The following SLC2A10 variants were observed in gnomAD, a reference collection of about 807,000 sequenced individuals.
The protein encoded by SLC2A10 is solute carrier family 2 member 10, also known as solute carrier family 2, facilitated glucose transporter member 10.
SLC2A10 carries 25 observed loss-of-function variants against 32.1 expected under a neutral mutation model. That is an observed-to-expected ratio of 0.78 (90% CI 0.57 to 1.09). The LOEUF (loss-of-function observed/expected upper bound fraction) is 1.09. SLC2A10 is among the 50% of genes least tolerant of loss of function. The pLI is 0.00. For missense variants in SLC2A10, 673 were observed against 686.5 expected, an observed-to-expected ratio of 0.98 and a Z score of 0.22; for synonymous variants, 332 against 309.6, an observed-to-expected ratio of 1.07 and a Z score of -0.76.
rs557500657 is a variant in SLC2A10 at position 46,712,622 on chromosome 20, CTCTT to C, written c.4+2894_4+2897del. ...TTAATTTTCTTTCTTTTCTTTTTTTCTCTTTCTTTCTTTCTGTCTTCTTTCTTTC... is the reference window on the plus strand; with the variant it reads ...TTAATTTTCTTTCTTTTCTTTTTTTCTCTTTCTTTCTGTCTTCTTTCTTTC... On this transcript the variant is annotated intron_variant, in intron 1 of 4. Coordinates refer to ENST00000359271, the MANE Select transcript of SLC2A10 (RefSeq NM_030777.4). 5.1e-4 allele frequency among the ~76,000 whole-genome samples: 74 copies of C among 144,246 alleles called. 1 individual carries two copies. Among genetic ancestry groups the C allele is most frequent in the South Asian group, 4.2e-3 (18 of 4,306 alleles). The allele number at this position is 144,246 out of a possible 152,430, so 94.6% of individuals were successfully genotyped here.
At position 46,729,334 on chromosome 20, in the gene SLC2A10, C is replaced by T; in HGVS notation, c.1412-19C>T. On this transcript the variant is annotated intron_variant, in intron 3 of 4. Coordinates refer to ENST00000359271, the MANE Select transcript of SLC2A10 (RefSeq NM_030777.4). ...GAGTGCTTGGTCCTGGGCCTACACT[C>T]CCGCCCTCCTGTTTCCAGGCACCAT... The T allele has an allele frequency of 6.2e-7, 1 of 1,612,940 alleles. No homozygotes were observed. Among genetic ancestry groups the T allele is most frequent in the Non-Finnish European group, 8.5e-7 (1 of 1,179,882 alleles).
At chr20:46,720,341 C>A (rs1444034883) in intron 1 of SLC2A10, among the ~76,000 whole-genome samples, 2 of 152,136 alleles carry the variant, frequency 1.3e-5, no homozygotes, top group African/African-American at 2.4e-5. Context: ...CAAAGCAAGA[C>A]AAAAAGCCTC....
intron 1 of SLC2A10, among the ~76,000 whole-genome samples, chr20:46,715,796 C>T (rs1271654520): frequency 6.6e-6 from 1 of 152,140 alleles, no homozygotes; most frequent in East Asian, 1.9e-4. Flanking sequence ...CCCAGACAGC[C>T]TGGCTTTCAT....
chr20:46,724,619 G>T (rs1431286713), intron 1 of SLC2A10, among the ~76,000 whole-genome samples: 1 of 141,958 alleles, frequency 7.0e-6, no homozygotes, highest in African/African-American at 2.7e-5. Flanking sequence ...GGTGTAGATG[G>T]ATGGTGGTTG....
In SLC2A10 at chr20:46,725,297, A is replaced by T. The variant is rs1979824668; in HGVS notation, c.261A>T (p.Ala87=). The T allele has an allele frequency of 6.2e-7, 1 of 1,614,024 alleles. No homozygotes were observed. The highest frequency in any genetic ancestry group is 1.3e-5 in the African/African-American group (1 of 74,928). The change falls in exon 2 of 5, where the codon GCA becomes GCT. Residue 87 remains alanine (A), a synonymous_variant. Transcript: ENST00000359271. The part of the protein sequence containing the change: ...AILGSNLVLL[A]GSLTLGLAGS... ...TCGGGAGCAACTTGGTGCTGCTGGC[A>T]GGCAGCCTGACCCTGGGCCTGGCTG...
At position 46,735,249 on chromosome 20, in the gene SLC2A10, G is replaced by A. The variant is rs1980513149; in HGVS notation, c.*1415G>A. On this transcript the variant is annotated 3_prime_UTR_variant, in exon 5 of 5. Coordinates refer to ENST00000359271, the MANE Select transcript of SLC2A10 (RefSeq NM_030777.4). ...ATGCGTGCACATATGGGTGCTGGCA[G>A]AGCCCCCAAGGACTCTGGCCTCTCG... 1 of 152,568 alleles carries A rather than the reference G, an allele frequency of 6.6e-6. No homozygotes were observed. The highest frequency in any genetic ancestry group is 2.4e-5 in the African/African-American group (1 of 41,418). The allele number at this position is 152,568 out of a possible 1,614,324, so 9.5% of individuals were successfully genotyped here.
At chr20:46,716,249 A>G (rs1391138482) in intron 1 of SLC2A10, among the ~76,000 whole-genome samples, 4 of 150,248 alleles carry the variant, frequency 2.7e-5, no homozygotes, top group African/African-American at 9.8e-5. Flanking sequence ...ACCTTCCCGG[A>G]TTCAAATGAT....
Position 46,723,171 on chromosome 20 carries a change from C to T in SLC2A10, c.5-1870C>T, listed in dbSNP as rs145613044. ...CTTCTATATTTCCATCCTACTATGT[C>T]GGTGTGTAGCTTGCATCCTCATGGT... On this transcript the variant is annotated intron_variant, in intron 1 of 4. Transcript: ENST00000359271. Among the ~76,000 whole-genome samples, 555 of 152,262 alleles carry T rather than the reference C, an allele frequency of 3.6e-3. 4 individuals carry two copies. The highest frequency in any genetic ancestry group is 0.012 in the African/African-American group (512 of 41,552).
At position 46,720,868 on chromosome 20, in the gene SLC2A10, T is replaced by A. The variant is rs958020579; in HGVS notation, c.5-4173T>A. 3.3e-5 allele frequency among the ~76,000 whole-genome samples: 5 copies of A among 152,314 alleles called. No homozygotes were observed. The South Asian group carries it at 1.0e-3, about 32-fold the overall frequency. On this transcript the variant is annotated intron_variant, in intron 1 of 4. Coordinates refer to ENST00000359271, the MANE Select transcript of SLC2A10 (RefSeq NM_030777.4). The stretch of plus-strand genomic sequence containing the variant: ...AGATTTCCTTATTTTATATTCAAGT[T>A]ATCTATTGCTGTTTAACAAAACACT...
Position 46,725,405 on chromosome 20 carries a change from G to A in SLC2A10, c.369G>A (p.Val123=). 4 of 1,614,164 alleles carry A rather than the reference G, an allele frequency of 2.5e-6. No homozygotes were observed. The highest frequency in any genetic ancestry group is 3.4e-6 in the Non-Finnish European group (4 of 1,180,038). The change falls in exon 2 of 5, where the codon GTG becomes GTA. Residue 123 remains valine (V), a synonymous_variant. Transcript: ENST00000359271. ...CCTCCATGGCTTGCTGTATCTACGT[G>A]TCAGAGCTGGTGGGGCCACGGCAGC... ...SLSSMACCIY[V]SELVGPRQRG...
At chr20:46,711,676 C>T (rs566094281) in intron 1 of SLC2A10, among the ~76,000 whole-genome samples, 1 of 152,296 alleles carries the variant, frequency 6.6e-6, no homozygotes, top group Admixed American at 6.5e-5. Context: ...GGCTGCGGGT[C>T]TCTGTCCTCC....
intron 1 of SLC2A10, among the ~76,000 whole-genome samples, chr20:46,721,403 A>C (rs1979545182): frequency 6.6e-6 from 1 of 152,064 alleles, no homozygotes; most frequent in Non-Finnish European, 1.5e-5. Flanking sequence ...TATGTGTAAA[A>C]ATGACTTGGG....
intron 1 of SLC2A10, among the ~76,000 whole-genome samples, chr20:46,716,191 T>C (rs1979228336): frequency 6.6e-6 from 1 of 151,146 alleles, no homozygotes; most frequent in Non-Finnish European, 1.5e-5. Flanking sequence ...CTTGCTCTGT[T>C]GTCCAGGCTG....
Position 46,719,921 on chromosome 20 carries a change from G to C in SLC2A10, c.5-5120G>C, listed in dbSNP as rs567568424. The stretch of plus-strand genomic sequence containing the variant: ...CGAGTTCAAAGAGAAGAAGCAGCTT[G>C]CCCAGGGTGGCACAGAGCAAGTGGC... On this transcript the variant is annotated intron_variant, in intron 1 of 4. Transcript: ENST00000359271. Among the ~76,000 whole-genome samples the C allele has an allele frequency of 4.6e-5, 7 of 152,288 alleles. No homozygotes were observed. In the East Asian group the frequency reaches 7.7e-4, roughly 17 times the overall value.
intron 4 of SLC2A10, among the ~76,000 whole-genome samples, chr20:46,729,728 G>T (rs908262654): frequency 1.5e-5 from 2 of 133,844 alleles, no homozygotes; most frequent in African/African-American, 5.7e-5. Context: ...TGCAAGCTCC[G>T]CCTCCCGGGT....
chr20:46,733,701 A>T, intron 4 of SLC2A10, 55 bp from the exon 5 acceptor site: 2 of 1,458,776 alleles, frequency 1.4e-6, no homozygotes, highest in Non-Finnish European at 1.9e-6. Context: ...TCCACTCCCC[A>T]GGGACGGCCC....
chr20:46,725,394 T>C lies in SLC2A10; in HGVS notation c.358T>C (p.Cys120Arg). The change falls in exon 2 of 5, where the codon TGT becomes CGT. Residue 120 changes from cysteine (C) to arginine (R), a missense_variant. Coordinates refer to ENST00000359271, the MANE Select transcript of SLC2A10 (RefSeq NM_030777.4). ...FAISLSSMAC[C>R]IYVSELVGPR... ...CATTTCCCTCTCCTCCATGGCTTGC[T>C]GTATCTACGTGTCAGAGCTGGTGGG... 6.2e-7 allele frequency: 1 copy of C among 1,614,196 alleles called. No homozygotes were observed. Among genetic ancestry groups the C allele is most frequent in the Non-Finnish European group, 8.5e-7 (1 of 1,180,032 alleles).
chr20:46,726,854 C>T lies in SLC2A10; in HGVS notation c.1289-10C>T, dbSNP rs758820689. The T allele has an allele frequency of 7.4e-6, 12 of 1,613,888 alleles. No homozygotes were observed. The African/African-American group carries it at 1.6e-4, about 22-fold the overall frequency. ...CACAGCCCAGGAGCCCTCCTGCTCT[C>T]CCACCCTAGTGACCTGGCTTGTCCT... On this transcript the variant is annotated splice_polypyrimidine_tract_variant and intron_variant, in intron 2 of 4. Transcript: ENST00000359271.
intron 4 of SLC2A10, among the ~76,000 whole-genome samples, chr20:46,733,344 C>T (rs1375054774): frequency 8.5e-5 from 13 of 152,060 alleles, no homozygotes; most frequent in Non-Finnish European, 1.9e-4. Flanking sequence ...AGGACACTAC[C>T]AAAAGGGATG....
Sources: allele counts gnomAD v4.1 joint callset (sites outside exome capture counted in the v4.1 genomes callset), GRCh38; gene constraint gnomAD v4.1.1; transcripts MANE v1.5; gene names NCBI Gene and HGNC (gene_info 2026-07-23, HGNC 2026-07-21).